CUBN: variants seen among roughly 807,000 people sequenced by gnomAD.
The protein encoded by CUBN is 460 kDa receptor.
Under a neutral mutation model 405.3 loss-of-function variants are expected in CUBN, and 282 were observed. The ratio of observed to expected loss-of-function variants is 0.70; its 90% confidence interval spans 0.63 to 0.77. The LOEUF (loss-of-function observed/expected upper bound fraction) is 0.77, where lower values mean the gene tolerates loss of function less well. CUBN is among the 30% of genes least tolerant of loss of function. The pLI, the probability that CUBN is intolerant of heterozygous loss-of-function variation, is 0.00. For synonymous variants in CUBN, 1,684 were observed against 1,617.0 expected (o/e 1.04, Z -0.99); for missense variants, 4,514 against 4,475.2 (o/e 1.01, Z -0.25).
rs1011410979 is a variant in CUBN at position 16,932,830 on chromosome 10, C to A, written c.6124+257G>T. Among the ~76,000 whole-genome samples the A allele has an allele frequency of 3.9e-5, 6 of 152,280 alleles. No individual in the cohort carries two copies. In the East Asian group the frequency reaches 1.2e-3, roughly 29 times the overall value. On this transcript the variant is annotated intron_variant, in intron 40 of 66. Transcript: ENST00000377833. The stretch of plus-strand genomic sequence containing the variant: ...GAACAATGTTGACATTCAGACTATT[C>A]TTTCCTTCTTAAGCCTCTAAAAAAG...
chr10:17,001,016 G>A (rs565995144), intron 28 of CUBN, among the ~76,000 whole-genome samples: 8 of 152,210 alleles, frequency 5.3e-5, no homozygotes, highest in South Asian at 2.1e-4. Flanking sequence ...AGATGTGTCC[G>A]GAGTTTCTTC....
intron 56 of CUBN, among the ~76,000 whole-genome samples, chr10:16,887,541 T>C: frequency 6.6e-6 from 1 of 152,228 alleles, no homozygotes; most frequent in East Asian, 1.9e-4. Context: ...TGAACTTATC[T>C]TCCAAGGCTA....
In CUBN at chr10:17,088,159, T is replaced by A. The variant is rs1446186412; in HGVS notation, c.1947+5A>T. 1 of 1,605,554 alleles carries A rather than the reference T, an allele frequency of 6.2e-7. No individual in the cohort carries two copies. Among genetic ancestry groups the A allele is most frequent in the East Asian group, 2.2e-5 (1 of 44,804 alleles). On this transcript the variant is annotated splice_donor_5th_base_variant and intron_variant, in intron 15 of 66. Transcript: ENST00000377833. ...GATATGTTCTATCTAAATATAATTA[T>A]TTACCTCAAGGTAATCTTTGTTGCA...
chr10:17,007,746 G>A (rs1228240598), intron 28 of CUBN, among the ~76,000 whole-genome samples: 2 of 152,174 alleles, frequency 1.3e-5, no homozygotes, highest in East Asian at 1.9e-4. Flanking sequence ...CAGCGTTAGC[G>A]GGGCTGTCCT....
intron 28 of CUBN, among the ~76,000 whole-genome samples, chr10:17,002,791 C>G (rs569781168): frequency 1.2e-4 from 18 of 152,284 alleles, no homozygotes; most frequent in African/African-American, 4.3e-4. Context: ...GTCACTATCC[C>G]AACTTTACAA....
intron 28 of CUBN, among the ~76,000 whole-genome samples, chr10:17,002,476 T>C (rs1009887833): frequency 6.6e-6 from 1 of 152,106 alleles, no homozygotes; most frequent in Admixed American, 6.6e-5. Flanking sequence ...TTTTTATAAC[T>C]GTTTCAAAGA....
chr10:17,014,852 G>A (rs571824879), intron 28 of CUBN, among the ~76,000 whole-genome samples: 2 of 152,330 alleles, frequency 1.3e-5, no homozygotes, highest in Admixed American at 6.5e-5. Flanking sequence ...AAGTTGGGAC[G>A]TGTGGTCTGT....
At chr10:16,991,662 G>A (rs1426352144) in intron 28 of CUBN, among the ~76,000 whole-genome samples, 1 of 132,638 alleles carries the variant, frequency 7.5e-6, no homozygotes, top group Non-Finnish European at 1.6e-5. Flanking sequence ...TTCTTTATTG[G>A]TTGGTAAATT....
intron 28 of CUBN, among the ~76,000 whole-genome samples, chr10:16,997,008 C>T (rs188585771): frequency 6.6e-5 from 10 of 152,350 alleles, no homozygotes; most frequent in African/African-American, 7.2e-5. Context: ...AGGATGTTCA[C>T]GTGCTTCATT....
Position 16,824,994 on chromosome 10 carries a change from C to A in CUBN, c.10853G>T (p.Arg3618Leu), listed in dbSNP as rs780837561. 1.9e-6 allele frequency: 3 copies of A among 1,613,572 alleles called. No homozygotes were observed. The highest frequency in any genetic ancestry group is 1.1e-5 in the South Asian group (1 of 91,040). ...ADYARRPSAF[R>L]LTWDS Reference sequence around the variant, plus strand: ...ACCCACTTAGCTGTCCCAAGTTAATCGGAATGCGGATGGACGCCGTGCATA... The same window carrying A: ...ACCCACTTAGCTGTCCCAAGTTAATAGGAATGCGGATGGACGCCGTGCATA... The change falls in exon 67 of 67, where the codon CGA becomes CTA. Residue 3618 changes from arginine (R) to leucine (L), a missense_variant. Arg to Leu is a moderately radical substitution (Grantham distance 102). Around this residue, in one of 5 missense-constraint regions of CUBN, gnomAD observed 1,186 missense variants for 1,186.9 expected, o/e 1.00. Coordinates refer to ENST00000377833, the MANE Select transcript of CUBN (RefSeq NM_001081.4).
chr10:17,077,375 A>G (rs1835875934), intron 17 of CUBN, among the ~76,000 whole-genome samples: 1 of 152,204 alleles, frequency 6.6e-6, no homozygotes, highest in South Asian at 2.1e-4. Flanking sequence ...GCTGAGAAAC[A>G]CCATTTACAT....
chr10:16,979,582 G>T (rs920349656), intron 31 of CUBN, among the ~76,000 whole-genome samples: 26 of 152,210 alleles, frequency 1.7e-4, no homozygotes, highest in African/African-American at 5.3e-4. Flanking sequence ...ACAAAAACAA[G>T]CAATGAGGAA....
intron 17 of CUBN, among the ~76,000 whole-genome samples, chr10:17,076,125 C>A (rs936076947): frequency 3.9e-5 from 6 of 152,136 alleles, no homozygotes; most frequent in Non-Finnish European, 7.3e-5. Context: ...AGCATCACTG[C>A]AAGCTAAAGT....
In CUBN at chr10:16,940,164, G is replaced by T. The variant is rs146438022; in HGVS notation, c.5416C>A (p.His1806Asn). The change falls in exon 37 of 67, where the codon CAC becomes AAC. Residue 1806 changes from histidine to asparagine, a missense_variant. His to Asn is a moderately conservative substitution (Grantham distance 68). Coordinates refer to ENST00000377833, the MANE Select transcript of CUBN (RefSeq NM_001081.4). The stretch of plus-strand genomic sequence containing the variant: ...TTTCCACAGTATCGTCCCACCAAGT[G>T]ACCCGTGGCATTTCCTTCACGGATC... ...VEIREGNATG[H>N]LVGRYCGNSF... 31 of 1,614,050 alleles carry T rather than the reference G, an allele frequency of 1.9e-5. No homozygotes were observed. The African/African-American group carries it at 2.0e-4, about 10-fold the overall frequency.
At chr10:16,979,919 G>A (rs1314208075) in intron 31 of CUBN, among the ~76,000 whole-genome samples, 1 of 152,124 alleles carries the variant, frequency 6.6e-6, no homozygotes, top group Non-Finnish European at 1.5e-5. Flanking sequence ...TACAGAATAG[G>A]AGAAAATTTT....
At chr10:17,001,348 G>A (rs1022957656) in intron 28 of CUBN, among the ~76,000 whole-genome samples, 1 of 152,162 alleles carries the variant, frequency 6.6e-6, no homozygotes, top group Admixed American at 6.5e-5. Context: ...ATTTGGCCCC[G>A]CCCACATCCT....
intron 32 of CUBN, 76 bp from the exon 33 acceptor site, chr10:16,952,465 A>C (rs1253553557): frequency 2.2e-6 from 2 of 929,368 alleles, no homozygotes; most frequent in African/African-American, 3.2e-5. Flanking sequence ...TTATTTGATG[A>C]ATAAAACCAT....
intron 41 of CUBN, among the ~76,000 whole-genome samples, chr10:16,926,065 A>ACATG (rs1275965632): frequency 3.3e-5 from 5 of 152,230 alleles, no homozygotes; most frequent in Non-Finnish European, 5.9e-5. Flanking sequence ...ATAAACAAAT[A>ACATG]CATGATATGT....
intron 27 of CUBN, among the ~76,000 whole-genome samples, chr10:17,020,418 T>C (rs1023520549): frequency 6.6e-6 from 1 of 152,186 alleles, no homozygotes; most frequent in Non-Finnish European, 1.5e-5. Flanking sequence ...GTACATGAGA[T>C]ACTTTGACAC....
Sources: allele counts gnomAD v4.1 joint callset (sites outside exome capture counted in the v4.1 genomes callset), GRCh38; gene constraint gnomAD v4.1.1; regional missense constraint gnomAD v4.1.1; transcripts MANE v1.5; gene names NCBI Gene and HGNC (gene_info 2026-07-23, HGNC 2026-07-21).